Variants in PLPP1 observed in about 807,000 individuals in gnomAD.
The protein encoded by PLPP1 is phospholipid phosphatase 1.
In PLPP1, 24 loss-of-function variants were observed where a neutral mutation model predicts 31.2. The observed-to-expected ratio is 0.77, with a 90% confidence interval of 0.56 to 1.08. The LOEUF is 1.08. PLPP1 is among the 50% of genes least tolerant of loss of function. The pLI, the probability that PLPP1 is intolerant of heterozygous loss-of-function variation, is 0.00. For synonymous variants in PLPP1, 146 were observed against 126.3 expected, an observed-to-expected ratio of 1.16 and a Z score of -1.05; for missense variants, 319 against 342.7, an observed-to-expected ratio of 0.93 and a Z score of 0.55.
intron 1 of PLPP1, among the ~76,000 whole-genome samples, chr5:55,505,598 CTA>C (rs1356641820): frequency 6.6e-6 from 1 of 152,032 alleles, no homozygotes; most frequent in Non-Finnish European, 1.5e-5. Flanking sequence ...CCCAAAATAT[CTA>C]TGTTTGAAAA....
chr5:55,493,359 A>G (rs1436727432), intron 1 of PLPP1, among the ~76,000 whole-genome samples: 1 of 151,854 alleles, frequency 6.6e-6, no homozygotes, highest in African/African-American at 2.4e-5. Flanking sequence ...TTAATGGAAC[A>G]GTGTATTATT....
chr5:55,433,386 G>A (rs371747146), intron 4 of PLPP1, among the ~76,000 whole-genome samples: 8 of 139,546 alleles, frequency 5.7e-5, no homozygotes, highest in Non-Finnish European at 6.2e-5. Flanking sequence ...CAAACTGTCC[G>A]TCTTCGCAGA....
chr5:55,482,160 T>TA (rs1178289423), intron 1 of PLPP1, among the ~76,000 whole-genome samples: 1 of 148,990 alleles, frequency 6.7e-6, no homozygotes, highest in East Asian at 1.9e-4. Flanking sequence ...GAGATATACA[T>TA]ATCTCATACA....
intron 1 of PLPP1, among the ~76,000 whole-genome samples, chr5:55,490,479 AATTTTATTTTGCACATAT>A (rs1266724866): frequency 6.6e-6 from 1 of 152,004 alleles, no homozygotes; most frequent in East Asian, 1.9e-4. Flanking sequence ...GTATTCTGAT[AATTTTATTTTGCACATAT>A]ATTTGTGGTC....
intron 1 of PLPP1, among the ~76,000 whole-genome samples, chr5:55,519,704 C>G (rs369818909): frequency 6.6e-6 from 1 of 150,596 alleles, no homozygotes; most frequent in Admixed American, 6.6e-5. Flanking sequence ...GAGCCAAGAT[C>G]GCGCCATTGC....
chr5:55,445,288 CAA>C (rs1751735489), intron 3 of PLPP1, among the ~76,000 whole-genome samples: 1 of 152,062 alleles, frequency 6.6e-6, no homozygotes, highest in Non-Finnish European at 1.5e-5. Context: ...TCATAAATCG[CAA>C]AGACACAATC....
intron 1 of PLPP1, among the ~76,000 whole-genome samples, chr5:55,486,776 G>C (rs945934121): frequency 5.3e-5 from 8 of 151,940 alleles, no homozygotes; most frequent in Admixed American, 5.3e-4. Context: ...AGCAAGGCGT[G>C]ATGGCACACC....
chr5:55,490,941 T>C (rs776784427), intron 1 of PLPP1: 1 of 1,599,986 alleles, frequency 6.3e-7, no homozygotes, highest in Non-Finnish European at 8.5e-7. Context: ...CATCACTACC[T>C]ACTTATTAAT....
chr5:55,499,895 T>C (rs1753097461), intron 1 of PLPP1, among the ~76,000 whole-genome samples: 1 of 151,788 alleles, frequency 6.6e-6, no homozygotes, highest in Admixed American at 6.6e-5. Flanking sequence ...GTAGAATATA[T>C]TTATATTTCA....
intron 3 of PLPP1, among the ~76,000 whole-genome samples, chr5:55,445,152 A>C (rs1054425005): frequency 2.0e-5 from 3 of 152,092 alleles, no homozygotes; most frequent in Non-Finnish European, 4.4e-5. Flanking sequence ...CTGATCCCCA[A>C]TATCATGGCA....
chr5:55,466,845 G>T (rs1752308329), intron 3 of PLPP1, among the ~76,000 whole-genome samples: 1 of 152,156 alleles, frequency 6.6e-6, no homozygotes, highest in African/African-American at 2.4e-5. Flanking sequence ...TTTTACCCAA[G>T]AAAGTATTTG....
chr5:55,481,332 GTT>G (rs755871430), intron 1 of PLPP1, among the ~76,000 whole-genome samples: 7 of 152,172 alleles, frequency 4.6e-5, no homozygotes, highest in Non-Finnish European at 1.0e-4. Context: ...ACAAAATAAT[GTT>G]TTAAGGATCA....
At position 55,532,422 on chromosome 5, in the gene PLPP1, A is replaced by G. The variant is rs147017988; in HGVS notation, c.58+2150T>C. Among the ~76,000 whole-genome samples, 77 of 152,326 alleles carry G rather than the reference A, an allele frequency of 5.1e-4. No individual in the cohort carries two copies. In the East Asian group the frequency reaches 0.014, roughly 27 times the overall value. ...TGATATGTAATTCTGATAGTGCACA[A>G]TATGTGGCAATGATAGGATAATATT... On this transcript the variant is annotated intron_variant, in intron 1 of 5. Transcript: ENST00000307259.
At chr5:55,528,107 AGTTTTGTCAG>A (rs1356615108) in intron 1 of PLPP1, among the ~76,000 whole-genome samples, 2 of 152,186 alleles carry the variant, frequency 1.3e-5, no homozygotes, top group African/African-American at 2.4e-5. Context: ...AAGGAATCAA[AGTTTTGTCAG>A]TTCCAGCTAA....
chr5:55,530,246 C>G, intron 1 of PLPP1: 1 of 1,479,960 alleles, frequency 6.8e-7, no homozygotes, highest in Non-Finnish European at 9.4e-7. Context: ...CATAATCAAA[C>G]TGATGTCTCT....
At position 55,534,596 on chromosome 5, in the gene PLPP1, G is replaced by C; in HGVS notation, c.34C>G (p.Leu12Val). ...FDKTRLPYVA[L>V]DVLCVLLAGL... ...CCCAGCAACACGCAGAGCACATCGA[G>C]GGCCACGTACGGCAGCCGCGTCTTG... Residue 12 changes from leucine (L) to valine (V), a missense_variant, in exon 1 of 6, where the codon CTC (leucine) becomes GTC (valine). Transcript: ENST00000307259. 1.9e-6 allele frequency: 3 copies of C among 1,558,802 alleles called. No individual in the cohort carries two copies. Among genetic ancestry groups the C allele is most frequent in the Non-Finnish European group, 2.6e-6 (3 of 1,154,394 alleles).
intron 3 of PLPP1, among the ~76,000 whole-genome samples, chr5:55,456,301 AAG>A (rs940235292): frequency 6.6e-6 from 1 of 152,190 alleles, no homozygotes; most frequent in African/African-American, 2.4e-5. Flanking sequence ...TGCTACGTGC[AAG>A]AGAGAGAATG....
intron 1 of PLPP1, among the ~76,000 whole-genome samples, chr5:55,533,170 G>A (rs2111968848): frequency 6.6e-6 from 1 of 151,990 alleles, no homozygotes; most frequent in East Asian, 1.9e-4. Context: ...GATCACCTGA[G>A]GTCAGGAGTT....
chr5:55,484,087 A>T (rs1375428401), intron 1 of PLPP1, among the ~76,000 whole-genome samples: 3 of 152,164 alleles, frequency 2.0e-5, no homozygotes, highest in African/African-American at 7.2e-5. Context: ...CTTTCATGTC[A>T]GCCTGTCCTT....
Sources: allele counts gnomAD v4.1 joint callset (sites outside exome capture counted in the v4.1 genomes callset), GRCh38; gene constraint gnomAD v4.1.1; transcripts MANE v1.5; gene names NCBI Gene and HGNC (gene_info 2026-07-23, HGNC 2026-07-21).